Variants in CCDC92 observed in about 807,000 individuals in gnomAD.
CCDC92 encodes coiled-coil domain-containing protein 92.
A neutral mutation model predicts 24.9 loss-of-function variants in CCDC92; 12 were observed. The observed-to-expected ratio is 0.48, with a 90% CI of 0.31 to 0.78. The LOEUF (loss-of-function observed/expected upper bound fraction) is 0.78, where lower values mean the gene tolerates loss of function less well. CCDC92 is among the 30% of genes least tolerant of loss of function. CCDC92 has a pLI of 0.05. For missense variants in CCDC92, 399 were observed against 439.4 expected (o/e 0.91, Z 0.82); for synonymous variants, 193 against 196.3 (o/e 0.98, Z 0.14).
intron 3 of CCDC92, among the ~76,000 whole-genome samples, chr12:123,943,065 A>G (rs1314986696): frequency 6.6e-6 from 1 of 152,154 alleles, no homozygotes; most frequent in African/African-American, 2.4e-5. Context: ...AGCTGGCTCT[A>G]TGTATCACAC....
chr12:123,951,193 C>T (rs1431237463), intron 1 of CCDC92, among the ~76,000 whole-genome samples: 1 of 152,070 alleles, frequency 6.6e-6, no homozygotes, highest in Non-Finnish European at 1.5e-5. Context: ...ATAATGGCAC[C>T]GAGTGGAGAT....
intron 1 of CCDC92, chr12:123,966,243 T>G (rs1489926780): frequency 6.6e-6 from 1 of 152,144 alleles, no homozygotes; most frequent in South Asian, 2.1e-4. Context: ...AATGTCCAAA[T>G]GGAACTCTGA....
chr12:123,967,123 A>G (rs976558563), intron 1 of CCDC92, among the ~76,000 whole-genome samples: 10 of 152,208 alleles, frequency 6.6e-5, no homozygotes, highest in African/African-American at 2.4e-4. Flanking sequence ...CCTCACTTGA[A>G]ATCACATTGC....
At chr12:123,962,188 T>C (rs1273535232) in intron 1 of CCDC92, among the ~76,000 whole-genome samples, 1 of 152,188 alleles carries the variant, frequency 6.6e-6, no homozygotes, top group African/African-American at 2.4e-5. Context: ...GAGAAAATGC[T>C]TCCTCTCTCC....
intron 1 of CCDC92, among the ~76,000 whole-genome samples, chr12:123,966,956 GATAT>G (rs923403372): frequency 1.3e-5 from 2 of 152,026 alleles, no homozygotes; most frequent in African/African-American, 4.8e-5. Flanking sequence ...TTTCTACTTG[GATAT>G]TTATTTTGTC....
intron 1 of CCDC92, chr12:123,945,591 C>CA (rs1221216289): frequency 6.6e-6 from 1 of 152,250 alleles, no homozygotes; most frequent in Admixed American, 6.5e-5. Context: ...GCCTCAGCGT[C>CA]AAAGGAAGGA....
At chr12:123,972,425 TCCCGTCCCTG>T (rs1956579829) in intron 1 of CCDC92, 94 bp downstream of exon 1, 1 of 151,570 alleles carries the variant, frequency 6.6e-6, no homozygotes, top group Admixed American at 6.6e-5. Context: ...CGCCACGAAC[TCCCGTCCCTG>T]CCCGGCCCCT....
chr12:123,956,060 CAG>C (rs1956143329), intron 1 of CCDC92, among the ~76,000 whole-genome samples: 1 of 152,182 alleles, frequency 6.6e-6, no homozygotes, highest in Non-Finnish European at 1.5e-5. Context: ...TGAGTTGAGA[CAG>C]GGAGGACATT....
chr12:123,937,589 G>A lies in CCDC92; in HGVS notation c.465C>T (p.Ile155=), dbSNP rs141016743. Reference sequence around the variant, plus strand: ...CGTGCAGCTGGGAGGTCAGGTAGGCGATGGTGCTGGCCCGCTGCTCCAGCT... The same window carrying A: ...CGTGCAGCTGGGAGGTCAGGTAGGCAATGGTGCTGGCCCGCTGCTCCAGCT... ...SSELEQRAST[I]AYLTSQLHAA... Residue 155 remains isoleucine (I), a synonymous_variant, in exon 5 of 5, where the codon ATC becomes ATT. Coordinates refer to ENST00000238156, the MANE Select transcript of CCDC92 (RefSeq NM_025140.3). This position sits in a 1 kb window ranked among gnomAD's most constrained non-coding sequence, Gnocchi z 8.4. 5.6e-5 allele frequency: 91 copies of A among 1,613,404 alleles called. No individual in the cohort carries two copies. In the African/African-American group the frequency reaches 7.6e-4, roughly 13 times the overall value.
intron 1 of CCDC92, among the ~76,000 whole-genome samples, chr12:123,960,277 G>A (rs895105007): frequency 6.6e-6 from 1 of 152,166 alleles, no homozygotes; most frequent in Non-Finnish European, 1.5e-5. Flanking sequence ...CCCATCATTA[G>A]GTACTATGCT....
intron 4 of CCDC92, among the ~76,000 whole-genome samples, chr12:123,939,453 T>G (rs2086283553): frequency 6.6e-6 from 1 of 151,988 alleles, no homozygotes; most frequent in Admixed American, 6.6e-5. Flanking sequence ...TCCCGAAAAA[T>G]CCAATGTAAG....
At chr12:123,945,635 G>A (rs976043641) in intron 1 of CCDC92, 2 of 152,192 alleles carry the variant, frequency 1.3e-5, no homozygotes, top group African/African-American at 4.8e-5. Flanking sequence ...TGTCAGTAGC[G>A]GTGCCTACGT....
At chr12:123,960,029 C>G (rs1200851996) in intron 1 of CCDC92, among the ~76,000 whole-genome samples, 1 of 152,228 alleles carries the variant, frequency 6.6e-6, no homozygotes, top group East Asian at 1.9e-4. Context: ...CCATCATCAT[C>G]ATGCCATTTT....
At chr12:123,945,595 G>C (rs1955823294) in intron 1 of CCDC92, 1 of 152,232 alleles carries the variant, frequency 6.6e-6, no homozygotes, top group African/African-American at 2.4e-5. Flanking sequence ...CAGCGTCAAA[G>C]GAAGGAAAAT....
rs775978105 is a variant in CCDC92, at chr12:123,937,825, C to T, written c.229G>A (p.Gly77Arg). The change falls in exon 5 of 5, where the codon GGG (glycine) becomes AGG (arginine). Residue 77 changes from glycine (G) to arginine (R), a missense_variant. Transcript: ENST00000238156. This position sits in a 1 kb window ranked among gnomAD's most constrained non-coding sequence, Gnocchi z 8.4. ...TVKSSEQTGD[G>R]TSKSSELKKR... ...TTTAATTCACTGCTTTTAGAAGTCCCGTCTCCTACAAGAATAAGCCGAGGA... is the reference window on the plus strand; with the variant it reads ...TTTAATTCACTGCTTTTAGAAGTCCTGTCTCCTACAAGAATAAGCCGAGGA... The T allele has an allele frequency of 7.0e-5, 113 of 1,604,784 alleles. No homozygotes were observed. The highest frequency in any genetic ancestry group is 1.6e-4 in the Middle Eastern group (1 of 6,062).
intron 3 of CCDC92, 73 bp downstream of exon 3, chr12:123,943,274 G>C (rs1033721602): frequency 6.5e-6 from 10 of 1,539,098 alleles, no homozygotes; most frequent in Non-Finnish European, 8.8e-6. Flanking sequence ...GGCAGGCCTA[G>C]CACATTCTGA....
rs1421301423 is a variant in CCDC92, at chr12:123,937,060, A to G, written c.994T>C (p.Ter332ArgextTer101). The G allele has an allele frequency of 6.2e-7, 1 of 1,613,700 alleles. No homozygotes were observed. The highest frequency in any genetic ancestry group is 8.5e-7 in the Non-Finnish European group (1 of 1,179,992). ...CGCGGGGTGGGGCACGGCGGGCTTC[A>G]CACAGTTCTGTCCGTCCCTGAGTGC... Reference protein sequence around the residue: ...RKHSGTDRTV* With the variant: ...RKHSGTDRTVR Residue 332 changes from the stop codon to arginine (R), a stop_lost, in exon 5 of 5, where the codon TGA becomes CGA. Transcript: ENST00000238156. This position sits in a 1 kb window ranked among gnomAD's most constrained non-coding sequence, Gnocchi z 8.4.
intron 1 of CCDC92, among the ~76,000 whole-genome samples, chr12:123,954,706 G>A (rs1956109562): frequency 6.6e-6 from 1 of 152,228 alleles, no homozygotes; most frequent in Non-Finnish European, 1.5e-5. Flanking sequence ...TTGCCCACGG[G>A]TGTCTTTTAA....
chr12:123,944,236 C>T (rs1955777650), intron 2 of CCDC92, 36 bp downstream of exon 2: 1 of 1,366,774 alleles, frequency 7.3e-7, no homozygotes, highest in African/African-American at 1.4e-5. Flanking sequence ...CCCCAGCTTC[C>T]AGCATCTGAT....
Sources: allele counts gnomAD v4.1 joint callset (sites outside exome capture counted in the v4.1 genomes callset), GRCh38; gene constraint gnomAD v4.1.1; non-coding constraint Gnocchi (gnomAD v3.1); transcripts MANE v1.5; gene names NCBI Gene and HGNC (gene_info 2026-07-23, HGNC 2026-07-21).